Variants in NTN1 observed in about 807,000 individuals in gnomAD.
NTN1 encodes the protein netrin 1, also known as netrin-1.
Under a neutral mutation model 54.2 loss-of-function variants are expected in NTN1, and 11 were observed. That is an observed-to-expected ratio of 0.20 (90% CI 0.13 to 0.34). The LOEUF (loss-of-function observed/expected upper bound fraction) is 0.34, where lower values mean the gene tolerates loss of function less well. NTN1 is among the 10% of genes least tolerant of loss of function. NTN1 has a pLI of 1.00. For missense variants in NTN1, 740 were observed against 893.1 expected (o/e 0.83, Z 2.18); for synonymous variants, 371 against 382.0 (o/e 0.97, Z 0.33).
intron 2 of NTN1, among the ~76,000 whole-genome samples, chr17:9,114,162 A>AT (rs1180136945): frequency 1.2e-5 from 1 of 84,266 alleles, no homozygotes; most frequent in Non-Finnish European, 2.4e-5. Flanking sequence ...AGAAAAAAAA[A>AT]AAAAATATAT....
At chr17:9,005,596 A>T in the NTN1 span, among the ~76,000 whole-genome samples, 1 of 152,194 alleles carries the variant, frequency 6.6e-6, no homozygotes, top group Non-Finnish European at 1.5e-5. Context: ...AGCCCAAATC[A>T]GGTTCTTTAC....
At chr17:9,086,585 G>A (rs1014696962) in intron 2 of NTN1, among the ~76,000 whole-genome samples, 2 of 152,136 alleles carry the variant, frequency 1.3e-5, no homozygotes, top group African/African-American at 2.4e-5. Context: ...TGCGGGGCAG[G>A]ATCAGGGAAC....
chr17:9,046,113 A>G (rs1323803808), intron 2 of NTN1, among the ~76,000 whole-genome samples: 1 of 152,224 alleles, frequency 6.6e-6, no homozygotes, highest in Non-Finnish European at 1.5e-5. Flanking sequence ...AAGACAACCC[A>G]TGGGATGGGG....
intron 2 of NTN1, among the ~76,000 whole-genome samples, chr17:9,138,316 G>A (rs1378401623): frequency 2.0e-5 from 3 of 152,144 alleles, no homozygotes; most frequent in East Asian, 1.9e-4. Context: ...CTCATAATGG[G>A]GCATCAGAGA....
intron 2 of NTN1, among the ~76,000 whole-genome samples, chr17:9,029,742 C>A (rs1359231062): frequency 3.3e-5 from 5 of 152,162 alleles, no homozygotes; most frequent in Admixed American, 2.6e-4. Context: ...GCCTGTAATC[C>A]CAGCACTTTG....
At chr17:9,160,120 T>C (rs1408603925) in intron 2 of NTN1, among the ~76,000 whole-genome samples, 1 of 152,190 alleles carries the variant, frequency 6.6e-6, no homozygotes, top group Admixed American at 6.5e-5. Flanking sequence ...TTTTAGTTTT[T>C]AATTTTTGTG....
Position 9,239,990 on chromosome 17 carries a change from G to C in NTN1, c.*22G>C, listed in dbSNP as rs888032220. ...CTAGCGCCGAGGCAGCGGGCGGGCGGGCGGGCGGGCGCCAGGGCGGGGCCG... is the reference window on the plus strand; with the variant it reads ...CTAGCGCCGAGGCAGCGGGCGGGCGCGCGGGCGGGCGCCAGGGCGGGGCCG... On this transcript the variant is annotated 3_prime_UTR_variant, in exon 7 of 7. Coordinates refer to ENST00000173229, the MANE Select transcript of NTN1 (RefSeq NM_004822.3). This position sits in a 1 kb window ranked among gnomAD's most constrained non-coding sequence, Gnocchi z 5.2. 3.9e-6 allele frequency: 3 copies of C among 769,286 alleles called. 1 individual carries two copies. Among genetic ancestry groups the C allele is most frequent in the South Asian group, 5.4e-5 (2 of 36,698 alleles). 47.7% of individuals were successfully genotyped at this position (769,286 alleles called of 1,614,324 possible). A position where few individuals can be genotyped will look rare whatever the true frequency, so the allele number is the denominator to read the frequency against.
chr17:9,237,155 T>A (rs766477137), intron 6 of NTN1, among the ~76,000 whole-genome samples: 4 of 152,188 alleles, frequency 2.6e-5, no homozygotes, highest in Admixed American at 6.5e-5. Flanking sequence ...ACCGAGTGGC[T>A]GAAACCACAG....
chr17:9,160,263 C>G (rs2092353494), intron 2 of NTN1, among the ~76,000 whole-genome samples: 1 of 152,102 alleles, frequency 6.6e-6, no homozygotes, highest in Admixed American at 6.6e-5. Context: ...ACCACCATGC[C>G]TGACTAATTT....
At chr17:9,068,100 C>A (rs9944518) in intron 2 of NTN1, among the ~76,000 whole-genome samples, 17,687 of 152,164 alleles carry the variant, frequency 0.12, 1,343 homozygotes, top group Non-Finnish European at 0.16. Flanking sequence ...AATAAATGTT[C>A]ATTGGATGAA....
chr17:9,137,074 CA>C (rs1463182849), intron 2 of NTN1, among the ~76,000 whole-genome samples: 2 of 152,160 alleles, frequency 1.3e-5, no homozygotes, highest in Non-Finnish European at 2.9e-5. Context: ...TCCCCTCCTC[CA>C]CACACCCTGC....
At chr17:9,069,715 G>A (rs890759075) in intron 2 of NTN1, among the ~76,000 whole-genome samples, 2 of 152,228 alleles carry the variant, frequency 1.3e-5, no homozygotes, top group African/African-American at 4.8e-5. Context: ...AAAGTAAGGA[G>A]TGTGAAGTGC....
intron 5 of NTN1, chr17:9,183,443 T>C: frequency 2.5e-6 from 1 of 401,064 alleles, no homozygotes; most frequent in Non-Finnish European, 5.1e-6. Context: ...AACTAAAAAT[T>C]TAGCATTTCC....
chr17:9,225,580 G>GC (rs930363402), intron 6 of NTN1, among the ~76,000 whole-genome samples: 1 of 152,204 alleles, frequency 6.6e-6, no homozygotes, highest in Non-Finnish European at 1.5e-5. Context: ...TGGGCCCCTG[G>GC]CCCCCCTGAG....
intron 2 of NTN1, among the ~76,000 whole-genome samples, chr17:9,121,085 G>A (rs2092230281): frequency 6.6e-6 from 1 of 152,124 alleles, no homozygotes; most frequent in South Asian, 2.1e-4. Context: ...GGACTGTGTG[G>A]TGCGAGGAAA....
At chr17:9,234,267 G>C (rs551845455) in intron 6 of NTN1, among the ~76,000 whole-genome samples, 2 of 152,342 alleles carry the variant, frequency 1.3e-5, no homozygotes, top group African/African-American at 4.8e-5. Context: ...GTGAACCCCA[G>C]AATTGCTGAG....
At chr17:9,091,395 C>G (rs71371886) in intron 2 of NTN1, among the ~76,000 whole-genome samples, 13,513 of 151,646 alleles carry the variant, frequency 0.089, 705 homozygotes, top group Non-Finnish European at 0.11. Flanking sequence ...GCTGGAACTA[C>G]AGGCTCAAGC....
chr17:9,041,391 A>C (rs917878442), intron 2 of NTN1, among the ~76,000 whole-genome samples: 16 of 152,170 alleles, frequency 1.1e-4, no homozygotes, highest in Non-Finnish European at 5.9e-5. Context: ...TAGGCTTTTG[A>C]TCTTTACAGA....
At chr17:9,029,851 G>A (rs55794600) in intron 2 of NTN1, among the ~76,000 whole-genome samples, 24,437 of 152,064 alleles carry the variant, frequency 0.16, 2,128 homozygotes, top group African/African-American at 0.18. Flanking sequence ...AATTAGCTGG[G>A]CGTGGTGGCG....
Sources: gnomAD v4.1 joint callset for allele counts (sites outside exome capture counted in the v4.1 genomes callset) on GRCh38, gnomAD v4.1.1 for gene constraint, Gnocchi (gnomAD v3.1) non-coding constraint, MANE v1.5 for transcripts, NCBI Gene and HGNC (gene_info 2026-07-23, HGNC 2026-07-21) for gene names.